Variants in PRKCH observed in about 807,000 individuals in gnomAD.
PRKCH encodes protein kinase C eta.
Under a neutral mutation model 82.5 loss-of-function variants are expected in PRKCH, and 28 were observed. That is an observed-to-expected ratio of 0.34 (90% CI 0.25 to 0.47). The LOEUF is 0.47. Ranked by LOEUF, PRKCH falls within the 20% of genes least tolerant of loss-of-function variation. PRKCH has a pLI of 1.00. For missense variants in PRKCH, 705 were observed against 881.8 expected, an observed-to-expected ratio of 0.80 and a Z score of 2.54; for synonymous variants, 322 against 327.4, an observed-to-expected ratio of 0.98 and a Z score of 0.18.
At chr14:61,464,801 T>C (rs1055613846) in intron 9 of PRKCH, among the ~76,000 whole-genome samples, 5 of 152,210 alleles carry the variant, frequency 3.3e-5, no homozygotes, top group African/African-American at 1.2e-4. Context: ...TGGGCATTTG[T>C]GTTGGTTCCA....
intron 1 of PRKCH, among the ~76,000 whole-genome samples, chr14:61,369,837 A>G (rs2046342562): frequency 6.6e-6 from 1 of 152,132 alleles, no homozygotes; most frequent in Non-Finnish European, 1.5e-5. Context: ...AGTTCTTGGT[A>G]AAAAACAGAA....
At chr14:61,506,097 T>A (rs2245448) in intron 10 of PRKCH, among the ~76,000 whole-genome samples, 90,862 of 151,996 alleles carry the variant, frequency 0.6, 32,049 homozygotes, top group Non-Finnish European at 0.76. Flanking sequence ...TACATTTCAA[T>A]AGGTCCCCTT....
intron 1 of PRKCH, among the ~76,000 whole-genome samples, chr14:61,252,779 T>A (rs2140074065): frequency 6.6e-6 from 1 of 152,382 alleles, no homozygotes; most frequent in South Asian, 2.1e-4. Context: ...CAGTCATTAT[T>A]AAAGTATACA....
chr14:61,360,689 ACTTTT>A (rs945813766), intron 1 of PRKCH, among the ~76,000 whole-genome samples: 1 of 152,188 alleles, frequency 6.6e-6, no homozygotes, highest in African/African-American at 2.4e-5. Flanking sequence ...AGGATCTTCT[ACTTTT>A]CTTTATTTTC....
At chr14:61,200,625 A>C (rs8020949) in intron 1 of PRKCH, among the ~76,000 whole-genome samples, 48,251 of 151,924 alleles carry the variant, frequency 0.32, 7,972 homozygotes, top group Admixed American at 0.41. Context: ...ACAGTAGTCA[A>C]TCCTTATCCA....
At chr14:61,209,670 T>C (rs1188609623) in intron 1 of PRKCH, among the ~76,000 whole-genome samples, 1 of 152,168 alleles carries the variant, frequency 6.6e-6, no homozygotes, top group East Asian at 1.9e-4. Context: ...TGCAAACTTT[T>C]CATTTTTTCT....
intron 2 of PRKCH, among the ~76,000 whole-genome samples, chr14:61,427,985 G>C (rs1257720814): frequency 1.3e-5 from 2 of 151,292 alleles, no homozygotes; most frequent in African/African-American, 4.9e-5. Flanking sequence ...TTTAAGACCA[G>C]GAATTTGAGA....
intron 9 of PRKCH, among the ~76,000 whole-genome samples, chr14:61,471,514 C>A (rs1490383210): frequency 1.3e-5 from 2 of 151,460 alleles, no homozygotes; most frequent in Non-Finnish European, 2.9e-5. Context: ...CTTTACCGGG[C>A]TAAAAAAAAT....
At chr14:61,402,459 T>A (rs974332629) in intron 2 of PRKCH, among the ~76,000 whole-genome samples, 1 of 152,218 alleles carries the variant, frequency 6.6e-6, no homozygotes, top group Non-Finnish European at 1.5e-5. Flanking sequence ...GTACTTCAAC[T>A]AGAACAACAT....
At chr14:61,259,448 G>C (rs1349462032) in intron 1 of PRKCH, among the ~76,000 whole-genome samples, 1 of 152,218 alleles carries the variant, frequency 6.6e-6, no homozygotes, top group Admixed American at 6.5e-5. Context: ...TTAAGAGTAA[G>C]AGTGGAAGAG....
chr14:61,213,877 G>C (rs1442068250), intron 1 of PRKCH, among the ~76,000 whole-genome samples: 1 of 152,196 alleles, frequency 6.6e-6, no homozygotes, highest in Non-Finnish European at 1.5e-5. Context: ...CCTACTATAA[G>C]CCAGCTATTA....
chr14:61,244,791 A>G (rs1007567308), intron 1 of PRKCH, among the ~76,000 whole-genome samples: 1 of 152,196 alleles, frequency 6.6e-6, no homozygotes, highest in Non-Finnish European at 1.5e-5. Context: ...CCTGTTACCT[A>G]TTATGCCTCA....
chr14:61,441,062 T>A (rs764466214), intron 2 of PRKCH, among the ~76,000 whole-genome samples: 2 of 140,830 alleles, frequency 1.4e-5, no homozygotes, highest in African/African-American at 2.6e-5. Context: ...ACACTTGGCT[T>A]TTTTTAAAAT....
At chr14:61,384,389 C>T (rs545937506) in intron 1 of PRKCH, among the ~76,000 whole-genome samples, 1 of 152,212 alleles carries the variant, frequency 6.6e-6, no homozygotes, top group South Asian at 2.1e-4. Context: ...TGCCTAGACC[C>T]CGTTCCCTTG....
chr14:61,507,334 G>A (rs763082854), intron 10 of PRKCH, among the ~76,000 whole-genome samples: 190 of 152,176 alleles, frequency 1.2e-3, no homozygotes, highest in Non-Finnish European at 1.8e-3. Context: ...ACTGTTGGTG[G>A]AAATGTAAAT....
chr14:61,481,840 A>C (rs2140324941), intron 9 of PRKCH, among the ~76,000 whole-genome samples: 1 of 152,252 alleles, frequency 6.6e-6, no homozygotes. Context: ...ACATGAGAGC[A>C]CAAGCATTGG....
At chr14:61,528,899 C>T (rs1358848512) in intron 10 of PRKCH, 176 bp from the exon 11 acceptor site, 2 of 508,956 alleles carry the variant, frequency 3.9e-6, no homozygotes, top group African/African-American at 4.0e-5. Flanking sequence ...CTAAATGTGT[C>T]ATCCAGATAG....
At chr14:61,416,101 T>C (rs1882547106) in intron 2 of PRKCH, among the ~76,000 whole-genome samples, 1 of 139,734 alleles carries the variant, frequency 7.2e-6, no homozygotes, top group Non-Finnish European at 1.5e-5. Context: ...GTCACCCTGG[T>C]TGGTGCAGTG....
At chr14:61,457,752 T>C in intron 9 of PRKCH, 73 bp downstream of exon 9, 2 of 1,550,780 alleles carry the variant, frequency 1.3e-6, no homozygotes, top group Non-Finnish European at 1.8e-6. Flanking sequence ...ATACTGGAGA[T>C]TTCATAAAGT....
Sources: gnomAD v4.1 joint callset for allele counts (sites outside exome capture counted in the v4.1 genomes callset) on GRCh38, gnomAD v4.1.1 for gene constraint, MANE v1.5 for transcripts, NCBI Gene and HGNC (gene_info 2026-07-23, HGNC 2026-07-21) for gene names.